PTPRN2: variants seen among roughly 807,000 people sequenced by gnomAD.
PTPRN2 encodes protein tyrosine phosphatase receptor type N2, also known as receptor-type tyrosine-protein phosphatase N2.
In PTPRN2, 74 loss-of-function variants were observed where a neutral mutation model predicts 118.8. That is an observed-to-expected ratio of 0.62 (90% CI 0.52 to 0.76). The LOEUF is 0.76. Among genes scored for constraint, PTPRN2 ranks in the 30% least tolerant of loss-of-function variants. The pLI, the probability that PTPRN2 is intolerant of heterozygous loss-of-function variation, is 0.00. For missense variants in PTPRN2, 1,481 were observed against 1,394.4 expected, an observed-to-expected ratio of 1.06 and a Z score of -0.99; for synonymous variants, 641 against 608.0, an observed-to-expected ratio of 1.05 and a Z score of -0.80.
chr7:157,730,675 G>T (rs989647546), intron 12 of PTPRN2, among the ~76,000 whole-genome samples: 3 of 152,224 alleles, frequency 2.0e-5, no homozygotes, highest in Non-Finnish European at 2.9e-5. Flanking sequence ...GGTATAGTTA[G>T]GAGGTGATGA....
intron 2 of PTPRN2, among the ~76,000 whole-genome samples, chr7:158,410,986 C>T (rs139838676): frequency 7.6e-5 from 5 of 66,126 alleles, no homozygotes; most frequent in Admixed American, 3.6e-4. Flanking sequence ...AGACATGGAG[C>T]GTGAGTAGGA....
At chr7:158,194,578 C>T (rs146735128) in intron 4 of PTPRN2, among the ~76,000 whole-genome samples, 131 of 152,352 alleles carry the variant, frequency 8.6e-4, no homozygotes, top group Middle Eastern at 3.4e-3. Context: ...ACTGCCAGCA[C>T]AAGACTCAGG....
At chr7:158,488,095 G>A (rs1265935350) in intron 2 of PTPRN2, among the ~76,000 whole-genome samples, 5 of 152,102 alleles carry the variant, frequency 3.3e-5, no homozygotes, top group Non-Finnish European at 7.4e-5. Flanking sequence ...GACAGCCTCG[G>A]CTTTTATTCT....
rs560719193 is a variant in PTPRN2, at chr7:158,313,140, G to A, written c.277+3679C>T. Among the ~76,000 whole-genome samples the A allele has an allele frequency of 9.9e-5, 15 of 152,166 alleles. 1 individual carries two copies. Among genetic ancestry groups the A allele is most frequent in the Non-Finnish European group, 2.2e-4 (15 of 68,024 alleles). On this transcript the variant is annotated intron_variant, in intron 3 of 22. Coordinates refer to ENST00000389418, the MANE Select transcript of PTPRN2 (RefSeq NM_002847.5). The stretch of plus-strand genomic sequence containing the variant: ...TGCAAATGTGTCTGTGTCTACACGT[G>A]AGCATGTGAATGCATGTGCAGGTAC...
chr7:157,884,403 C>G (rs1796340664), intron 12 of PTPRN2, among the ~76,000 whole-genome samples: 1 of 152,238 alleles, frequency 6.6e-6, no homozygotes, highest in South Asian at 2.1e-4. Context: ...GGTGGCTCCT[C>G]TCTGCACCTG....
rs1394390623 is a variant in PTPRN2, at chr7:157,585,400, C to G, written c.2497-7260G>C. ...CTGTGTTCTCCGGGAAGGACTCAGC[C>G]TGCTTGTGTGCAAGCAGACCCCGTG... On this transcript the variant is annotated intron_variant, in intron 17 of 22. Transcript: ENST00000389418. The surrounding 1 kb of genome is among the most constrained non-coding windows in gnomAD (Gnocchi z 5.2). 6.6e-6 allele frequency among the ~76,000 whole-genome samples: 1 copy of G among 152,216 alleles called. No homozygotes were observed. Among genetic ancestry groups the G allele is most frequent in the Non-Finnish European group, 1.5e-5 (1 of 68,044 alleles).
intron 4 of PTPRN2, among the ~76,000 whole-genome samples, chr7:158,199,933 A>C: frequency 6.6e-6 from 1 of 152,230 alleles, no homozygotes. Flanking sequence ...GGAATGAAAC[A>C]AATCCATTAC....
chr7:157,799,026 C>T (rs1265812639), intron 12 of PTPRN2, among the ~76,000 whole-genome samples: 1 of 152,222 alleles, frequency 6.6e-6, no homozygotes, highest in African/African-American at 2.4e-5. Context: ...CCTTTCTTCT[C>T]CAACTTCTAG....
chr7:158,453,006 G>A (rs1818195284), intron 2 of PTPRN2, among the ~76,000 whole-genome samples: 1 of 152,242 alleles, frequency 6.6e-6, no homozygotes, highest in Admixed American at 6.5e-5. Flanking sequence ...TGCAGGGCTG[G>A]GCATGATGCT....
Position 157,877,664 on chromosome 7 carries a change from G to A in PTPRN2, c.1788+21009C>T, listed in dbSNP as rs112961803. 2.0e-3 allele frequency among the ~76,000 whole-genome samples: 301 copies of A among 152,330 alleles called. 1 individual carries two copies. The highest frequency in any genetic ancestry group is 3.4e-3 in the Middle Eastern group (1 of 294). On this transcript the variant is annotated intron_variant, in intron 12 of 22. Transcript: ENST00000389418. ...CAGCATCAAAGCCCGGGTCTTGGTG[G>A]GTGGTGCAGAAGGTGTTCCTAACAG...
chr7:157,710,321 A>G (rs1798540358), intron 12 of PTPRN2, among the ~76,000 whole-genome samples: 2 of 151,616 alleles, frequency 1.3e-5, no homozygotes, highest in Admixed American at 1.3e-4. Flanking sequence ...ATTAAAACTC[A>G]CTCTTGGCCA....
At chr7:158,312,623 C>T (rs1449834307) in intron 3 of PTPRN2, among the ~76,000 whole-genome samples, 1 of 150,974 alleles carries the variant, frequency 6.6e-6, no homozygotes, top group African/African-American at 2.4e-5. Context: ...CAGGAAGACA[C>T]CAGGATTTGA....
At position 157,627,489 on chromosome 7, in the gene PTPRN2, T is replaced by C. The variant is rs796914253; in HGVS notation, c.2197-5980A>G. ...GCTTAGGGAAGTTGGAGTTGCTGTC[T>C]GTTCCCTGATCCTTAGGAAGCGTTT... On this transcript the variant is annotated intron_variant, in intron 14 of 22. Transcript: ENST00000389418. The surrounding 1 kb of genome is among the most constrained non-coding windows in gnomAD (Gnocchi z 4.2). 8.5e-5 allele frequency among the ~76,000 whole-genome samples: 13 copies of C among 152,338 alleles called. No homozygotes were observed. The highest frequency in any genetic ancestry group is 2.9e-4 in the African/African-American group (12 of 41,584).
chr7:157,989,729 G>A (rs1804101317), intron 11 of PTPRN2, among the ~76,000 whole-genome samples: 1 of 152,130 alleles, frequency 6.6e-6, no homozygotes, highest in Non-Finnish European at 1.5e-5. Context: ...GGGCCGGAAT[G>A]ACACATCCTT....
intron 2 of PTPRN2, among the ~76,000 whole-genome samples, chr7:158,440,661 A>G (rs1463783154): frequency 5.0e-5 from 5 of 100,286 alleles, no homozygotes; most frequent in African/African-American, 8.4e-5. Context: ...TGATGGTGGT[A>G]GTGATAGTGA....
At chr7:158,119,760 A>C (rs1585500700) in intron 9 of PTPRN2, among the ~76,000 whole-genome samples, 2 of 152,290 alleles carry the variant, frequency 1.3e-5, no homozygotes, top group South Asian at 4.1e-4. Flanking sequence ...GTATAGGAAA[A>C]GCCATAGTTT....
intron 6 of PTPRN2, among the ~76,000 whole-genome samples, chr7:158,149,306 A>G (rs923475011): frequency 2.0e-5 from 3 of 152,216 alleles, no homozygotes; most frequent in Admixed American, 6.5e-5. Flanking sequence ...AATGTCATCA[A>G]TGTGTAAATC....
At chr7:158,327,059 C>A (rs1237070019) in intron 2 of PTPRN2, among the ~76,000 whole-genome samples, 1 of 149,404 alleles carries the variant, frequency 6.7e-6, no homozygotes, top group Non-Finnish European at 1.5e-5. Flanking sequence ...ACATTCTCAT[C>A]TGCACATACA....
chr7:157,767,449 C>T (rs111941064), intron 12 of PTPRN2, among the ~76,000 whole-genome samples: 1,869 of 152,278 alleles, frequency 0.012, 38 homozygotes, highest in African/African-American at 0.043. Flanking sequence ...ACACTTTGTA[C>T]GGTGTTTGCC....
Sources: gnomAD v4.1 joint callset for allele counts (sites outside exome capture counted in the v4.1 genomes callset) on GRCh38, gnomAD v4.1.1 for gene constraint, Gnocchi (gnomAD v3.1) non-coding constraint, MANE v1.5 for transcripts, NCBI Gene and HGNC (gene_info 2026-07-23, HGNC 2026-07-21) for gene names.